Variants in DBNL observed in about 807,000 individuals in gnomAD.
DBNL encodes drebrin like, also known as drebrin-like protein.
DBNL carries 35 observed loss-of-function variants against 62.2 expected under a neutral mutation model. The observed-to-expected ratio is 0.56, with a 90% CI of 0.43 to 0.75. The LOEUF (loss-of-function observed/expected upper bound fraction) is 0.75. Ranked by LOEUF, DBNL falls within the 30% of genes least tolerant of loss-of-function variation. The pLI is 0.00. For synonymous variants in DBNL, 197 were observed against 218.0 expected (o/e 0.90, Z 0.85); for missense variants, 495 against 578.4 (o/e 0.86, Z 1.48).
intron 4 of DBNL, among the ~76,000 whole-genome samples, chr7:44,055,178 A>G (rs2096134009): frequency 6.6e-6 from 1 of 152,200 alleles, no homozygotes; most frequent in African/African-American, 2.4e-5. Flanking sequence ...TAAAAACCAT[A>G]CTGTTGTCTA....
Position 44,060,290 on chromosome 7 carries a change from G to A in DBNL, c.1153+137G>A. ...AGGAGGGTGGGCGGTGCGTTTAGGG[G>A]TAGAAGCACCTCTGGAGTGGGGGTG... On this transcript the variant is annotated intron_variant, in intron 12 of 12. Coordinates refer to ENST00000448521, the MANE Select transcript of DBNL (RefSeq NM_001014436.3). The surrounding 1 kb of genome is among the most constrained non-coding windows in gnomAD (Gnocchi z 6.3). The A allele has an allele frequency of 1.3e-6, 1 of 752,964 alleles. No homozygotes were observed. Among genetic ancestry groups the A allele is most frequent in the Non-Finnish European group, 2.2e-6 (1 of 461,168 alleles). The allele number at this position is 752,964 out of a possible 1,614,324, so 46.6% of individuals were successfully genotyped here. A position where few individuals can be genotyped will look rare whatever the true frequency, so the allele number is the denominator to read the frequency against.
intron 1 of DBNL, among the ~76,000 whole-genome samples, chr7:44,048,036 C>T (rs1009145272): frequency 1.3e-5 from 2 of 151,508 alleles, no homozygotes; most frequent in Admixed American, 6.6e-5. Flanking sequence ...CCTGCCTCAG[C>T]GTCCCAAGTA....
In DBNL at chr7:44,065,206, C is replaced by T. The variant is rs112828964; in HGVS notation, c.*4290C>T. The T allele has an allele frequency of 5.0e-3, 8,019 of 1,614,048 alleles. 368 individuals carry two copies. The African/African-American group carries it at 0.095, about 19-fold the overall frequency. Reference sequence around the variant, plus strand: ...GCCTCCAGATCTTCACCTGCTCCTCCCCGTGCTTGGCGGCCGTTTCTGCCT... The same window carrying T: ...GCCTCCAGATCTTCACCTGCTCCTCTCCGTGCTTGGCGGCCGTTTCTGCCT... On this transcript the variant is annotated 3_prime_UTR_variant, in exon 13 of 13. Coordinates refer to ENST00000448521, the MANE Select transcript of DBNL (RefSeq NM_001014436.3).
intron 1 of DBNL, among the ~76,000 whole-genome samples, chr7:44,048,140 C>T (rs7793969): frequency 0.2 from 30,231 of 152,150 alleles, 3,433 homozygotes; most frequent in African/African-American, 0.31. Flanking sequence ...GTCTCAAACT[C>T]CTAACCTCAG....
Position 44,060,516 on chromosome 7 carries a change from A to G in DBNL, c.1154-261A>G, listed in dbSNP as rs2096146725. ...TTGGAGAATGGGGTGGAGGCCCCCT[A>G]CGGAGCAGGCTGGTGTCTACTCTAG... On this transcript the variant is annotated intron_variant, in intron 12 of 12. Transcript: ENST00000448521. This position sits in a 1 kb window ranked among gnomAD's most constrained non-coding sequence, Gnocchi z 6.3. 6.6e-6 allele frequency among the ~76,000 whole-genome samples: 1 copy of G among 152,058 alleles called. No homozygotes were observed. The highest frequency in any genetic ancestry group is 6.5e-5 in the Admixed American group (1 of 15,284).
intron 4 of DBNL, among the ~76,000 whole-genome samples, chr7:44,055,971 C>CA (rs1266951572): frequency 1.3e-5 from 2 of 151,736 alleles, no homozygotes; most frequent in South Asian, 2.1e-4. Flanking sequence ...GGTCTTAACC[C>CA]AAAAAAAATC....
At chr7:44,050,034 A>T (rs1339093118) in intron 1 of DBNL, 191 bp from the exon 2 acceptor site, 3 of 553,116 alleles carry the variant, frequency 5.4e-6, no homozygotes, top group Admixed American at 2.9e-5. Context: ...TGCAGAGCTG[A>T]GAAGGCTGCA....
At chr7:44,050,346 G>C (rs188678152) in intron 2 of DBNL, 66 bp downstream of exon 2, 3 of 1,560,938 alleles carry the variant, frequency 1.9e-6, no homozygotes, top group Admixed American at 1.7e-5. Flanking sequence ...AGGGGTCAGC[G>C]CACTCAGCTG....
In DBNL at chr7:44,062,198, A is replaced by G. The variant is rs2096150585; in HGVS notation, c.*1282A>G. The G allele has an allele frequency of 5.8e-6, 1 of 171,370 alleles. No individual in the cohort carries two copies. The highest frequency in any genetic ancestry group is 1.3e-5 in the Non-Finnish European group (1 of 77,828). The allele number at this position is 171,370 out of a possible 1,614,324, so 10.6% of individuals were successfully genotyped here. On this transcript the variant is annotated 3_prime_UTR_variant, in exon 13 of 13. Transcript: ENST00000448521. Reference sequence around the variant, plus strand: ...TGCTCAGGCCTCTCCCCTTTTCGCCAGGGCTTCCTGGTGCCTCTCCCATGA... The same window carrying G: ...TGCTCAGGCCTCTCCCCTTTTCGCCGGGGCTTCCTGGTGCCTCTCCCATGA...
intron 4 of DBNL, among the ~76,000 whole-genome samples, chr7:44,054,687 G>T (rs941274926): frequency 1.3e-5 from 2 of 152,024 alleles, no homozygotes; most frequent in African/African-American, 4.8e-5. Flanking sequence ...CAAAATTATT[G>T]TTAACTATAA....
At chr7:44,047,826 G>A (rs1041841786) in intron 1 of DBNL, among the ~76,000 whole-genome samples, 8 of 151,978 alleles carry the variant, frequency 5.3e-5, no homozygotes, top group Non-Finnish European at 1.2e-4. Context: ...ATTCTTAAAG[G>A]TGGCCTGGGG....
chr7:44,064,855 C>A lies in DBNL; in HGVS notation c.*3939C>A. 1 of 1,609,778 alleles carries A rather than the reference C, an allele frequency of 6.2e-7. No individual in the cohort carries two copies. On this transcript the variant is annotated 3_prime_UTR_variant, in exon 13 of 13. Transcript: ENST00000448521. ...ACCTTCCAGGTGCTTGACAATGCCC[C>A]GCAGGCTGTTCCCGTGGGCTGCAAT... is the stretch of plus-strand genomic sequence containing the variant.
At chr7:44,048,406 C>A (rs1378351228) in intron 1 of DBNL, among the ~76,000 whole-genome samples, 1 of 152,212 alleles carries the variant, frequency 6.6e-6, no homozygotes, top group African/African-American at 2.4e-5. Flanking sequence ...TTTCTGTGTT[C>A]TTTTCTCTAG....
chr7:44,062,870 T>A lies in DBNL; in HGVS notation c.*1954T>A. Reference sequence around the variant, plus strand: ...GGTGGGCTTCAGCTCCTTGTTCAGCTCATACACAATGGGGATCCCCGTGGG... The same window carrying A: ...GGTGGGCTTCAGCTCCTTGTTCAGCACATACACAATGGGGATCCCCGTGGG... On this transcript the variant is annotated 3_prime_UTR_variant, in exon 13 of 13. Coordinates refer to ENST00000448521, the MANE Select transcript of DBNL (RefSeq NM_001014436.3). 1 of 1,614,134 alleles carries A rather than the reference T, an allele frequency of 6.2e-7. No individual in the cohort carries two copies. The highest frequency in any genetic ancestry group is 8.5e-7 in the Non-Finnish European group (1 of 1,180,010).
chr7:44,065,843 G>T lies in DBNL; in HGVS notation c.*4927G>T. The T allele has an allele frequency of 2.0e-6, 1 of 490,460 alleles. No individual in the cohort carries two copies. Among genetic ancestry groups the T allele is most frequent in the Non-Finnish European group, 3.7e-6 (1 of 267,198 alleles). 30.4% of individuals were successfully genotyped at this position (490,460 alleles called of 1,614,324 possible). A position where few individuals can be genotyped will look rare whatever the true frequency, so the allele number is the denominator to read the frequency against. On this transcript the variant is annotated 3_prime_UTR_variant, in exon 13 of 13. Transcript: ENST00000448521. Reference sequence around the variant, plus strand: ...TGCTGGTCAGGGATGGGCGTGAAGGGCAGAAGTCTGGGCCAGGGGAGATGG... The same window carrying T: ...TGCTGGTCAGGGATGGGCGTGAAGGTCAGAAGTCTGGGCCAGGGGAGATGG...
intron 7 of DBNL, 42 bp from the exon 8 acceptor site, chr7:44,058,390 T>C: frequency 1.2e-6 from 2 of 1,613,908 alleles, no homozygotes; most frequent in South Asian, 2.2e-5. Context: ...TGAGAAGCTG[T>C]GACTGTGCCT....
At position 44,062,190 on chromosome 7, in the gene DBNL, T is replaced by G. The variant is rs560151473; in HGVS notation, c.*1274T>G. The G allele has an allele frequency of 5.8e-6, 1 of 172,746 alleles. No homozygotes were observed. The highest frequency in any genetic ancestry group is 1.4e-4 in the East Asian group (1 of 6,930). 10.7% of individuals were successfully genotyped at this position (172,746 alleles called of 1,614,324 possible). A position where few individuals can be genotyped will look rare whatever the true frequency, so the allele number is the denominator to read the frequency against. Reference sequence around the variant, plus strand: ...CCTTCCTGTGCTCAGGCCTCTCCCCTTTTCGCCAGGGCTTCCTGGTGCCTC... The same window carrying G: ...CCTTCCTGTGCTCAGGCCTCTCCCCGTTTCGCCAGGGCTTCCTGGTGCCTC... On this transcript the variant is annotated 3_prime_UTR_variant, in exon 13 of 13. Transcript: ENST00000448521.
At chr7:44,058,334 C>T in intron 7 of DBNL, 54 bp downstream of exon 7, 2 of 1,596,210 alleles carry the variant, frequency 1.3e-6, no homozygotes, top group East Asian at 2.2e-5. Context: ...CATTGCTGGG[C>T]ACCTGCTCCA....
At position 44,064,799 on chromosome 7, in the gene DBNL, C is replaced by CCCCG; in HGVS notation, c.*3884_*3885insCCGC. 8.2e-7 allele frequency: 1 copy of CCCCG among 1,212,906 alleles called. No individual in the cohort carries two copies. Among genetic ancestry groups the CCCCG allele is most frequent in the Non-Finnish European group, 1.2e-6 (1 of 841,500 alleles). The allele number at this position is 1,212,906 out of a possible 1,614,324, so 75.1% of individuals were successfully genotyped here. A position where few individuals can be genotyped will look rare whatever the true frequency, so the allele number is the denominator to read the frequency against. ...GAAGCCAGCTGGGGCTGCTGCCCACCCACCCTGCCCAGGCTCCTGAAGGTG... is the reference window on the plus strand; with the variant it reads ...GAAGCCAGCTGGGGCTGCTGCCCACCCCCGCACCCTGCCCAGGCTCCTGAAGGTG... On this transcript the variant is annotated 3_prime_UTR_variant, in exon 13 of 13. Coordinates refer to ENST00000448521, the MANE Select transcript of DBNL (RefSeq NM_001014436.3).
Sources: gnomAD v4.1 joint callset for allele counts (sites outside exome capture counted in the v4.1 genomes callset) on GRCh38, gnomAD v4.1.1 for gene constraint, Gnocchi (gnomAD v3.1) non-coding constraint, MANE v1.5 for transcripts, NCBI Gene and HGNC (gene_info 2026-07-23, HGNC 2026-07-21) for gene names.